Variants in FNDC4 observed in about 807,000 individuals in gnomAD.
FNDC4 encodes fibronectin type III domain-containing protein 4.
A neutral mutation model predicts 25.1 loss-of-function variants in FNDC4; 11 were observed. That is an observed-to-expected ratio of 0.44 (90% confidence interval 0.28 to 0.73). FNDC4 has a LOEUF of 0.73. Among genes scored for constraint, FNDC4 ranks in the 30% least tolerant of loss-of-function variants. The pLI, the probability that FNDC4 is intolerant of heterozygous loss-of-function variation, is 0.16. For synonymous variants in FNDC4, 136 were observed against 118.8 expected (o/e 1.14, Z -0.94); for missense variants, 250 against 304.3 (o/e 0.82, Z 1.33).
Position 27,492,554 on chromosome 2 carries a change from C to A in FNDC4, c.670-76G>T, listed in dbSNP as rs1488780710. 14 of 1,590,896 alleles carry A rather than the reference C, an allele frequency of 8.8e-6. No homozygotes were observed. The highest frequency in any genetic ancestry group is 1.1e-5 in the Non-Finnish European group (13 of 1,159,094). On this transcript the variant is annotated intron_variant, in intron 6 of 6. Transcript: ENST00000264703. The surrounding 1 kb of genome is among the most constrained non-coding windows in gnomAD (Gnocchi z 4.1). ...ACCCTTTCTCTCCAGCCTCCCCCAT[C>A]CCAGATCTTCCATTCTCCATCTTTT...
Position 27,494,084 on chromosome 2 carries a change from G to T in FNDC4, c.300C>A (p.Thr100=). The T allele has an allele frequency of 6.2e-7, 1 of 1,614,174 alleles. No homozygotes were observed. Among genetic ancestry groups the T allele is most frequent in the South Asian group, 1.1e-5 (1 of 91,088 alleles). ...QRVIREVNTT[T]RACALWGLAE... ...CCAGGCCCCAGAGGGCACAGGCCCGGGTGGTGGTGTTCACCTCCCGAATCA... is the reference window on the plus strand; with the variant it reads ...CCAGGCCCCAGAGGGCACAGGCCCGTGTGGTGGTGTTCACCTCCCGAATCA... The change falls in exon 4 of 7, where the codon ACC becomes ACA. Residue 100 remains threonine (T), a synonymous_variant. Transcript: ENST00000264703. The surrounding 1 kb of genome is among the most constrained non-coding windows in gnomAD (Gnocchi z 4.6).
chr2:27,494,156 G>A lies in FNDC4; in HGVS notation c.250-22C>T, dbSNP rs376752308. 1 of 1,609,226 alleles carries A rather than the reference G, an allele frequency of 6.2e-7. No individual in the cohort carries two copies. The highest frequency in any genetic ancestry group is 1.1e-5 in the South Asian group (1 of 90,738). ...GCCGCTGCAGGGAGATGAGGGGAGA[G>A]GAGGACAGCCTCACCCCAGTGCCAG... On this transcript the variant is annotated intron_variant, in intron 3 of 6. Coordinates refer to ENST00000264703, the MANE Select transcript of FNDC4 (RefSeq NM_022823.3). This position sits in a 1 kb window ranked among gnomAD's most constrained non-coding sequence, Gnocchi z 4.6.
In FNDC4 at chr2:27,494,961, G is replaced by GC. The variant is rs1250850561; in HGVS notation, c.-109dup. 4 of 278,686 alleles carry GC rather than the reference G, an allele frequency of 1.4e-5. No individual in the cohort carries two copies. The highest frequency in any genetic ancestry group is 2.7e-5 in the Non-Finnish European group (4 of 150,854). The allele number at this position is 278,686 out of a possible 1,614,324, so 17.3% of individuals were successfully genotyped here. A position where few individuals can be genotyped will look rare whatever the true frequency, so the allele number is the denominator to read the frequency against. Reference sequence around the variant, plus strand: ...GCCCATCGCCCGACTCGGTGGCGCTGCCCCTACCCCATCCCGGCGCGGGCC... The same window carrying GC: ...GCCCATCGCCCGACTCGGTGGCGCTGCCCCCTACCCCATCCCGGCGCGGGCC... On this transcript the variant is annotated 5_prime_UTR_variant, in exon 1 of 7. Transcript: ENST00000264703. This position sits in a 1 kb window ranked among gnomAD's most constrained non-coding sequence, Gnocchi z 4.6.
Position 27,493,952 on chromosome 2 carries a change from T to G in FNDC4, c.432A>C (p.Leu144=). Residue 144 remains leucine (L), a synonymous_variant, in exon 4 of 7, where the codon CTA becomes CTC. Transcript: ENST00000264703. ...CACCTGGGCTTGAACTGTTTGAAGGTAGCCGGTCAGAACCCTTGAGAGTTC... is the reference window on the plus strand; with the variant it reads ...CACCTGGGCTTGAACTGTTTGAAGGGAGCCGGTCAGAACCCTTGAGAGTTC... The part of the protein sequence containing the change: ...HFRTLKGSDR[L]PSNSSSPGDI... 1 of 1,614,220 alleles carries G rather than the reference T, an allele frequency of 6.2e-7. No homozygotes were observed. Among genetic ancestry groups the G allele is most frequent in the Non-Finnish European group, 8.5e-7 (1 of 1,180,034 alleles).
rs1003708065 is a variant in FNDC4, at chr2:27,494,889, C to T, written c.-36G>A. 8.0e-6 allele frequency: 4 copies of T among 499,340 alleles called. No homozygotes were observed. The highest frequency in any genetic ancestry group is 7.0e-6 in the Non-Finnish European group (2 of 284,454). The allele number at this position is 499,340 out of a possible 1,614,324, so 30.9% of individuals were successfully genotyped here. On this transcript the variant is annotated 5_prime_UTR_variant, in exon 1 of 7. Coordinates refer to ENST00000264703, the MANE Select transcript of FNDC4 (RefSeq NM_022823.3). The surrounding 1 kb of genome is among the most constrained non-coding windows in gnomAD (Gnocchi z 4.6). Reference sequence around the variant, plus strand: ...CTGCCCACACCCACCTCCGCCGGTCCTCGCGGTTGGTCAGGCCTCGGGGGG... The same window carrying T: ...CTGCCCACACCCACCTCCGCCGGTCTTCGCGGTTGGTCAGGCCTCGGGGGG...
chr2:27,494,606 G>C lies in FNDC4; in HGVS notation c.74C>G (p.Pro25Arg). 1 of 1,610,876 alleles carries C rather than the reference G, an allele frequency of 6.2e-7. No homozygotes were observed. The highest frequency in any genetic ancestry group is 8.5e-7 in the Non-Finnish European group (1 of 1,178,762). The change falls in exon 2 of 7, where the codon CCA becomes CGA. Residue 25 changes from proline (P) to arginine (R), a missense_variant. Pro to Arg is a moderately radical substitution (Grantham distance 103). Coordinates refer to ENST00000264703, the MANE Select transcript of FNDC4 (RefSeq NM_022823.3). The surrounding 1 kb of genome is among the most constrained non-coding windows in gnomAD (Gnocchi z 4.6). ...GDMASLVPLSPYLSPTVLLLV... is the reference protein window; with the variant it reads ...GDMASLVPLSRYLSPTVLLLV... ...CAGGAGGACCGTGGGGCTTAGATATGGGGAAAGGGGCACCAGCGAAGCCAT... is the reference window on the plus strand; with the variant it reads ...CAGGAGGACCGTGGGGCTTAGATATCGGGAAAGGGGCACCAGCGAAGCCAT...
rs1385048295 is a variant in FNDC4, at chr2:27,494,362, T to C, written c.238A>G (p.Ile80Val). Residue 80 changes from isoleucine (I) to valine (V), a missense_variant, in exon 3 of 7, where the codon ATT becomes GTT. By Grantham distance (29) the Ile-to-Val change is conservative. Transcript: ENST00000264703. This position sits in a 1 kb window ranked among gnomAD's most constrained non-coding sequence, Gnocchi z 4.6. ...AGGGTGATTCATACTTGCTGGGAAA[T>C]GGAGTAGCCAATGACGATGTTGCCT... The part of the protein sequence containing the change: ...PEGNIVIGYS[I>V]SQQRQNGPGQ... The C allele has an allele frequency of 3.7e-6, 6 of 1,612,910 alleles. No individual in the cohort carries two copies. In the Admixed American group the frequency reaches 1.0e-4, roughly 27 times the overall value.
At chr2:27,493,621 G>C in intron 4 of FNDC4, 143 bp from the exon 5 acceptor site, 1 of 766,744 alleles carries the variant, frequency 1.3e-6, no homozygotes, top group Non-Finnish European at 2.2e-6. Context: ...TCCCTGGGAG[G>C]AAGCCGTTGG....
At position 27,494,824 on chromosome 2, in the gene FNDC4, G is replaced by GC; in HGVS notation, c.-25+53dup. 1.7e-6 allele frequency: 1 copy of GC among 572,194 alleles called. No homozygotes were observed. The highest frequency in any genetic ancestry group is 3.1e-6 in the Non-Finnish European group (1 of 327,432). The allele number at this position is 572,194 out of a possible 1,614,324, so 35.4% of individuals were successfully genotyped here. A position where few individuals can be genotyped will look rare whatever the true frequency, so the allele number is the denominator to read the frequency against. ...AGCCCTATTTTCTCTACGCCCTCCC[G>GC]CCCCCGCATTGCCCGGGCGGCCCCA... is the stretch of plus-strand genomic sequence containing the variant. On this transcript the variant is annotated intron_variant, in intron 1 of 6. Transcript: ENST00000264703. This position sits in a 1 kb window ranked among gnomAD's most constrained non-coding sequence, Gnocchi z 4.6.
rs1032336575 is a variant in FNDC4 at position 27,494,355 on chromosome 2, T to A, written c.245A>T (p.Gln82Leu). 7 of 1,612,108 alleles carry A rather than the reference T, an allele frequency of 4.3e-6. No individual in the cohort carries two copies. Among genetic ancestry groups the A allele is most frequent in the Non-Finnish European group, 5.9e-6 (7 of 1,178,238 alleles). The change falls in exon 3 of 7, where the codon CAG (glutamine) becomes CTG (leucine). Residue 82 changes from glutamine to leucine, a missense_variant. Coordinates refer to ENST00000264703, the MANE Select transcript of FNDC4 (RefSeq NM_022823.3). The surrounding 1 kb of genome is among the most constrained non-coding windows in gnomAD (Gnocchi z 4.6). ...GAGCAGAAGGGTGATTCATACTTGC[T>A]GGGAAATGGAGTAGCCAATGACGAT... Reference protein sequence around the residue: ...GNIVIGYSISQQRQNGPGQRV... With the variant: ...GNIVIGYSISLQRQNGPGQRV...
chr2:27,493,902 C>T lies in FNDC4; in HGVS notation c.454+28G>A, dbSNP rs192204212. ...AGAGGCTGCAAGCCAGGTAAGCAGCCAGAGAATCCAATAGCACAGATCCTC... is the reference window on the plus strand; with the variant it reads ...AGAGGCTGCAAGCCAGGTAAGCAGCTAGAGAATCCAATAGCACAGATCCTC... On this transcript the variant is annotated intron_variant, in intron 4 of 6. Coordinates refer to ENST00000264703, the MANE Select transcript of FNDC4 (RefSeq NM_022823.3). 274 of 1,606,232 alleles carry T rather than the reference C, an allele frequency of 1.7e-4. No individual in the cohort carries two copies. In the African/African-American group the frequency reaches 3.5e-3, roughly 20 times the overall value.
At chr2:27,493,812 G>C (rs1669314077) in intron 4 of FNDC4, 118 bp downstream of exon 4, 1 of 964,218 alleles carries the variant, frequency 1.0e-6, no homozygotes, top group Non-Finnish European at 1.6e-6. Flanking sequence ...TTTCCTGGCA[G>C]TACAATGAAT....
Position 27,494,354 on chromosome 2 carries a change from C to T in FNDC4, c.246G>A (p.Gln82=). 3 of 1,611,984 alleles carry T rather than the reference C, an allele frequency of 1.9e-6. No individual in the cohort carries two copies. The highest frequency in any genetic ancestry group is 2.5e-6 in the Non-Finnish European group (3 of 1,177,988). ...GGAGCAGAAGGGTGATTCATACTTG[C>T]TGGGAAATGGAGTAGCCAATGACGA... The part of the protein sequence containing the change: ...GNIVIGYSIS[Q]QRQNGPGQRV... The change falls in exon 3 of 7, where the codon CAG becomes CAA. Residue 82 remains glutamine, a synonymous_variant. Transcript: ENST00000264703. The surrounding 1 kb of genome is among the most constrained non-coding windows in gnomAD (Gnocchi z 4.6).
At chr2:27,493,848 G>T in intron 4 of FNDC4, 82 bp downstream of exon 4, 1 of 1,258,124 alleles carries the variant, frequency 7.9e-7, no homozygotes. Flanking sequence ...AACTCAGCTA[G>T]TCTGTTGCTT....
Position 27,493,449 on chromosome 2 carries a change from C to G in FNDC4, c.484G>C (p.Glu162Gln). The G allele has an allele frequency of 6.2e-7, 1 of 1,613,998 alleles. No individual in the cohort carries two copies. The part of the protein sequence containing the change: ...GDITVEGLDG[E>Q]RPLQTGEVVI... Reference sequence around the variant, plus strand: ...ACTTCCCCAGTCTGCAGTGGCCGCTCTCCATCCAGACCTTCCACTGTGATG... The same window carrying G: ...ACTTCCCCAGTCTGCAGTGGCCGCTGTCCATCCAGACCTTCCACTGTGATG... The change falls in exon 5 of 7, where the codon GAG becomes CAG. Residue 162 changes from glutamate to glutamine, a missense_variant. Physicochemically the swap from Glu to Gln is conservative, Grantham distance 29. Coordinates refer to ENST00000264703, the MANE Select transcript of FNDC4 (RefSeq NM_022823.3).
At chr2:27,493,049 C>T (rs573383530) in intron 5 of FNDC4, among the ~76,000 whole-genome samples, 2 of 131,524 alleles carry the variant, frequency 1.5e-5, no homozygotes, top group Non-Finnish European at 3.1e-5. Context: ...CGTTCTGTTG[C>T]CCAGGCTGGA....
In FNDC4 at chr2:27,493,435, C is replaced by A; in HGVS notation, c.498G>T (p.Gln166His). ...VEGLDGERPL[Q>H]TGEVVIIVVV... ...CCACAATGATGACCACTTCCCCAGT[C>A]TGCAGTGGCCGCTCTCCATCCAGAC... Residue 166 changes from glutamine (Q) to histidine (H), a missense_variant, in exon 5 of 7, where the codon CAG becomes CAT. Transcript: ENST00000264703. 2 of 1,614,070 alleles carry A rather than the reference C, an allele frequency of 1.2e-6. No individual in the cohort carries two copies. The highest frequency in any genetic ancestry group is 2.2e-5 in the South Asian group (2 of 91,074).
In FNDC4 at chr2:27,494,372, A is replaced by C; in HGVS notation, c.228T>G (p.Ile76Met). Residue 76 changes from isoleucine to methionine, a missense_variant, in exon 3 of 7, where the codon ATT becomes ATG. By Grantham distance (10) the Ile-to-Met change is conservative. Coordinates refer to ENST00000264703, the MANE Select transcript of FNDC4 (RefSeq NM_022823.3). The surrounding 1 kb of genome is among the most constrained non-coding windows in gnomAD (Gnocchi z 4.6). ...SWDVPEGNIV[I>M]GYSISQQRQN... Reference sequence around the variant, plus strand: ...ATACTTGCTGGGAAATGGAGTAGCCAATGACGATGTTGCCTTCTGGGACGT... The same window carrying C: ...ATACTTGCTGGGAAATGGAGTAGCCCATGACGATGTTGCCTTCTGGGACGT... The C allele has an allele frequency of 6.2e-7, 1 of 1,613,850 alleles. No homozygotes were observed. Among genetic ancestry groups the C allele is most frequent in the Non-Finnish European group, 8.5e-7 (1 of 1,179,694 alleles).
Position 27,494,301 on chromosome 2 carries a change from G to T in FNDC4, c.249+50C>A, listed in dbSNP as rs916033905. 2 of 1,523,664 alleles carry T rather than the reference G, an allele frequency of 1.3e-6. No homozygotes were observed. Among genetic ancestry groups the T allele is most frequent in the Non-Finnish European group, 1.8e-6 (2 of 1,100,732 alleles). 94.4% of individuals were successfully genotyped at this position (1,523,664 alleles called of 1,614,324 possible). A position where few individuals can be genotyped will look rare whatever the true frequency, so the allele number is the denominator to read the frequency against. ...ATCCCCCCCACTTAAGTGAAGAAAT[G>T]TGCCGAAATCCAAGGACACAGGTTG... On this transcript the variant is annotated intron_variant, in intron 3 of 6. Coordinates refer to ENST00000264703, the MANE Select transcript of FNDC4 (RefSeq NM_022823.3). The surrounding 1 kb of genome is among the most constrained non-coding windows in gnomAD (Gnocchi z 4.6).
Sources: gnomAD v4.1 joint callset for allele counts (sites outside exome capture counted in the v4.1 genomes callset) on GRCh38, gnomAD v4.1.1 for gene constraint, Gnocchi (gnomAD v3.1) non-coding constraint, MANE v1.5 for transcripts, NCBI Gene and HGNC (gene_info 2026-07-23, HGNC 2026-07-21) for gene names.